Variants in MAGI1 observed in about 807,000 individuals in gnomAD.
MAGI1 encodes membrane associated guanylate kinase, WW and PDZ domain containing 1.
MAGI1 carries 58 observed loss-of-function variants against 139.9 expected under a neutral mutation model. The ratio of observed to expected loss-of-function variants is 0.41; its 90% CI spans 0.34 to 0.52. The LOEUF (loss-of-function observed/expected upper bound fraction) is 0.52. Among genes scored for constraint, MAGI1 ranks in the 20% least tolerant of loss-of-function variants. MAGI1 has a pLI of 0.12. For synonymous variants in MAGI1, 812 were observed against 737.9 expected (o/e 1.10, Z -1.63); for missense variants, 1,874 against 1,901.6 (o/e 0.99, Z 0.27).
intron 2 of MAGI1, among the ~76,000 whole-genome samples, chr3:65,588,879 C>T (rs1302469222): frequency 2.0e-5 from 3 of 152,156 alleles, no homozygotes; most frequent in East Asian, 1.9e-4. Flanking sequence ...TATCGGGTTC[C>T]GTAATTAAGA....
intron 4 of MAGI1, 22 bp from the exon 5 acceptor site, chr3:65,470,506 T>TGAGA (rs199951277): frequency 5.9e-6 from 8 of 1,351,652 alleles, no homozygotes; most frequent in African/African-American, 1.6e-5. Flanking sequence ...TGTGAAGAGG[T>TGAGA]GAGAGAGAGA....
chr3:65,893,391 G>T (rs1342132849), intron 1 of MAGI1, among the ~76,000 whole-genome samples: 1 of 151,036 alleles, frequency 6.6e-6, no homozygotes, highest in Non-Finnish European at 1.5e-5. Flanking sequence ...CTGGAGAAAA[G>T]CACAAAACAA....
intron 2 of MAGI1, among the ~76,000 whole-genome samples, chr3:65,582,383 C>T (rs1373444550): frequency 6.6e-6 from 1 of 152,164 alleles, no homozygotes; most frequent in Non-Finnish European, 1.5e-5. Context: ...ACCTAGTCTC[C>T]TCATGGTTGG....
intron 1 of MAGI1, among the ~76,000 whole-genome samples, chr3:65,923,376 C>G (rs1469882173): frequency 6.6e-6 from 1 of 151,974 alleles, no homozygotes; most frequent in African/African-American, 2.4e-5. Flanking sequence ...CAGGCGCGCA[C>G]CACCACGCCC....
chr3:65,763,017 T>C (rs1295492397), intron 1 of MAGI1, among the ~76,000 whole-genome samples: 1 of 152,178 alleles, frequency 6.6e-6, no homozygotes, highest in East Asian at 1.9e-4. Flanking sequence ...TTTTGAACCA[T>C]CACTACTACT....
intron 1 of MAGI1, among the ~76,000 whole-genome samples, chr3:65,966,192 T>A (rs2064730928): frequency 6.6e-6 from 1 of 152,136 alleles, no homozygotes; most frequent in African/African-American, 2.4e-5. Flanking sequence ...AGGTGACCAA[T>A]GATGGCACTG....
intron 1 of MAGI1, among the ~76,000 whole-genome samples, chr3:65,877,240 GT>G (rs34062894): frequency 6.6e-6 from 1 of 152,134 alleles, no homozygotes; most frequent in Non-Finnish European, 1.5e-5. Context: ...AAATTAAGTA[GT>G]TTTTGACATA....
At chr3:65,716,070 C>T (rs1427344435) in intron 1 of MAGI1, among the ~76,000 whole-genome samples, 2 of 152,170 alleles carry the variant, frequency 1.3e-5, no homozygotes, top group Non-Finnish European at 2.9e-5. Context: ...CCAAAAAAAT[C>T]GTTTACAAAA....
chr3:65,658,525 C>A (rs1019506095), intron 1 of MAGI1, among the ~76,000 whole-genome samples: 1 of 152,202 alleles, frequency 6.6e-6, no homozygotes, highest in Non-Finnish European at 1.5e-5. Flanking sequence ...ACCAGTTCTT[C>A]TGAAATGTTA....
At chr3:65,999,972 CTTTTTTTT>C (rs3048011) in intron 1 of MAGI1, among the ~76,000 whole-genome samples, 1 of 113,290 alleles carries the variant, frequency 8.8e-6, no homozygotes, top group Non-Finnish European at 1.7e-5. Flanking sequence ...TCCCCCCACG[CTTTTTTTT>C]TTTTTTTTTT....
intron 1 of MAGI1, among the ~76,000 whole-genome samples, chr3:66,036,671 C>A (rs985936267): frequency 2.6e-5 from 4 of 152,210 alleles, no homozygotes; most frequent in African/African-American, 4.8e-5. Flanking sequence ...TCATCTGGAG[C>A]ACGCCTGTTT....
At chr3:65,425,755 AAG>A (rs970048500) in intron 12 of MAGI1, among the ~76,000 whole-genome samples, 2 of 152,118 alleles carry the variant, frequency 1.3e-5, no homozygotes, top group African/African-American at 4.8e-5. Context: ...TTACATTTTA[AAG>A]AGTGTCACAC....
intron 2 of MAGI1, among the ~76,000 whole-genome samples, chr3:65,574,367 G>C (rs2081088804): frequency 6.9e-6 from 1 of 145,272 alleles, no homozygotes. Context: ...TTTTAACACA[G>C]CATTTATGAC....
chr3:65,702,738 G>T (rs1320415727), intron 1 of MAGI1, among the ~76,000 whole-genome samples: 1 of 152,070 alleles, frequency 6.6e-6, no homozygotes, highest in Non-Finnish European at 1.5e-5. Flanking sequence ...TACTTATTTT[G>T]TTTGTTTTAC....
At chr3:65,682,424 C>G (rs890608779) in intron 1 of MAGI1, among the ~76,000 whole-genome samples, 1 of 152,098 alleles carries the variant, frequency 6.6e-6, no homozygotes, top group Non-Finnish European at 1.5e-5. Flanking sequence ...TAAAGTATGC[C>G]TGATTCTTGA....
chr3:65,564,258 A>G (rs1056989848), intron 2 of MAGI1, among the ~76,000 whole-genome samples: 4 of 152,010 alleles, frequency 2.6e-5, no homozygotes, highest in African/African-American at 9.7e-5. Context: ...AAATCTTCTA[A>G]GAAAAAAAAA....
At chr3:65,640,796 C>T (rs2084940644) in intron 1 of MAGI1, among the ~76,000 whole-genome samples, 1 of 152,172 alleles carries the variant, frequency 6.6e-6, no homozygotes, top group African/African-American at 2.4e-5. Context: ...ACCAAATGCA[C>T]CAATAAATCC....
At chr3:65,721,260 C>T (rs2032986753) in intron 1 of MAGI1, among the ~76,000 whole-genome samples, 1 of 152,216 alleles carries the variant, frequency 6.6e-6, no homozygotes, top group Non-Finnish European at 1.5e-5. Flanking sequence ...CCTCCCTTTC[C>T]ATCTTCCTTG....
intron 1 of MAGI1, among the ~76,000 whole-genome samples, chr3:65,869,120 T>C (rs1454616542): frequency 6.6e-6 from 1 of 150,632 alleles, no homozygotes; most frequent in Non-Finnish European, 1.5e-5. Flanking sequence ...CAGGGCGTGG[T>C]GGCAGGCGCC....
Sources: allele counts gnomAD v4.1 joint callset (sites outside exome capture counted in the v4.1 genomes callset), GRCh38; gene constraint gnomAD v4.1.1; transcripts MANE v1.5; gene names NCBI Gene and HGNC (gene_info 2026-07-23, HGNC 2026-07-21).